CNTN4: variants seen among roughly 807,000 people sequenced by gnomAD.
The protein encoded by CNTN4 is contactin-4.
CNTN4 carries 77 observed loss-of-function variants against 122.5 expected under a neutral mutation model. That is an observed-to-expected ratio of 0.63 (90% CI 0.52 to 0.76). CNTN4 has a LOEUF of 0.76. Ranked by LOEUF, CNTN4 falls within the 30% of genes least tolerant of loss-of-function variation. The pLI is 0.00. For synonymous variants in CNTN4, 512 were observed against 447.0 expected (o/e 1.15, Z -1.83); for missense variants, 1,256 against 1,259.1 (o/e 1.00, Z 0.04).
chr3:3,033,617 G>A (rs1490214600), intron 16 of CNTN4, among the ~76,000 whole-genome samples: 2 of 152,110 alleles, frequency 1.3e-5, no homozygotes, highest in African/African-American at 2.4e-5. Context: ...CCTTATGCCC[G>A]TCTAATGGGC....
intron 2 of CNTN4, among the ~76,000 whole-genome samples, chr3:2,272,527 A>G (rs1377460532): frequency 6.6e-6 from 1 of 152,190 alleles, no homozygotes; most frequent in Non-Finnish European, 1.5e-5. Flanking sequence ...TTAAAGTTAT[A>G]CTATGATAAA....
intron 4 of CNTN4, among the ~76,000 whole-genome samples, chr3:2,595,341 TC>T (rs1467585650): frequency 6.6e-6 from 1 of 152,202 alleles, no homozygotes; most frequent in Non-Finnish European, 1.5e-5. Context: ...TTAATAGACT[TC>T]AGGAAAAATT....
intron 3 of CNTN4, among the ~76,000 whole-genome samples, chr3:2,376,939 C>T (rs1559499179): frequency 6.6e-6 from 1 of 151,904 alleles, no homozygotes; most frequent in South Asian, 2.1e-4. Context: ...GGGTGGATCA[C>T]GAAGTCAAAA....
chr3:2,665,335 G>T (rs1376396681), intron 4 of CNTN4, among the ~76,000 whole-genome samples: 1 of 152,152 alleles, frequency 6.6e-6, no homozygotes, highest in African/African-American at 2.4e-5. Context: ...ACTAGTTTAG[G>T]AAACAGTGCT....
At chr3:2,201,437 AAC>A (rs1222398523) in intron 2 of CNTN4, among the ~76,000 whole-genome samples, 1 of 152,232 alleles carries the variant, frequency 6.6e-6, no homozygotes, top group African/African-American at 2.4e-5. Context: ...TCACTTAATC[AAC>A]AGTTCAAATA....
chr3:2,466,970 C>CTTTCTTTCTTTTT (rs1392656721), intron 3 of CNTN4, among the ~76,000 whole-genome samples: 2 of 115,812 alleles, frequency 1.7e-5, no homozygotes, highest in African/African-American at 6.7e-5. Flanking sequence ...TTCTTTCTTT[C>CTTTCTTTCTTTTT]TTTTTTTTTT....
intron 4 of CNTN4, among the ~76,000 whole-genome samples, chr3:2,658,874 G>GAT (rs1403847539): frequency 6.6e-6 from 1 of 151,814 alleles, no homozygotes; most frequent in East Asian, 1.9e-4. Context: ...TCCAGAAAGG[G>GAT]ATAAGCTGCA....
intron 4 of CNTN4, among the ~76,000 whole-genome samples, chr3:2,651,481 T>C (rs1369848643): frequency 6.6e-6 from 1 of 152,166 alleles, no homozygotes; most frequent in African/African-American, 2.4e-5. Context: ...TTTCTAGGAA[T>C]GGCCTCCTCT....
At chr3:2,576,621 C>T (rs889074930) in intron 4 of CNTN4, among the ~76,000 whole-genome samples, 16 of 150,114 alleles carry the variant, frequency 1.1e-4, no homozygotes, top group Non-Finnish European at 5.9e-5. Context: ...GATCTTGGCT[C>T]ACTGCAACCT....
chr3:2,544,092 T>C (rs2078140809), intron 3 of CNTN4, among the ~76,000 whole-genome samples: 1 of 152,122 alleles, frequency 6.6e-6, no homozygotes, highest in Admixed American at 6.6e-5. Context: ...AAATTCACAC[T>C]TACAAATCAA....
At chr3:2,158,278 C>T (rs1408503338) in intron 2 of CNTN4, among the ~76,000 whole-genome samples, 1 of 152,168 alleles carries the variant, frequency 6.6e-6, no homozygotes, top group Non-Finnish European at 1.5e-5. Context: ...AGATATGTTT[C>T]TAAAAGTCTA....
intron 3 of CNTN4, among the ~76,000 whole-genome samples, chr3:2,412,963 G>A (rs1194334680): frequency 6.6e-6 from 1 of 152,198 alleles, no homozygotes; most frequent in Non-Finnish European, 1.5e-5. Context: ...TACCTTCAGA[G>A]TAGACAGTAA....
At chr3:2,530,114 A>G (rs1212668318) in intron 3 of CNTN4, among the ~76,000 whole-genome samples, 2 of 152,216 alleles carry the variant, frequency 1.3e-5, no homozygotes, top group East Asian at 3.9e-4. Context: ...CTTGTAATAA[A>G]TCCACTGATT....
intron 2 of CNTN4, among the ~76,000 whole-genome samples, chr3:2,168,528 C>T (rs1417677261): frequency 6.6e-6 from 1 of 151,840 alleles, no homozygotes; most frequent in Non-Finnish European, 1.5e-5. Flanking sequence ...GTAATCTAAA[C>T]ATTTAACTCG....
At chr3:3,049,732 G>C (rs374836734) in intron 23 of CNTN4, among the ~76,000 whole-genome samples, 2 of 152,316 alleles carry the variant, frequency 1.3e-5, no homozygotes, top group African/African-American at 4.8e-5. Flanking sequence ...TTGGGCCTTG[G>C]CACCTCTCTG....
intron 3 of CNTN4, among the ~76,000 whole-genome samples, chr3:2,342,155 C>A (rs2044233774): frequency 6.6e-6 from 1 of 152,124 alleles, no homozygotes; most frequent in Non-Finnish European, 1.5e-5. Flanking sequence ...TGAATTCCTG[C>A]ATGTAATATT....
intron 3 of CNTN4, among the ~76,000 whole-genome samples, chr3:2,536,977 A>C (rs1357418001): frequency 6.6e-6 from 1 of 152,134 alleles, no homozygotes; most frequent in Admixed American, 6.6e-5. Flanking sequence ...AAAATAATAT[A>C]AAAGCCACTC....
intron 3 of CNTN4, among the ~76,000 whole-genome samples, chr3:2,533,738 T>G (rs1397554920): frequency 1.3e-5 from 2 of 152,142 alleles, no homozygotes; most frequent in South Asian, 4.1e-4. Context: ...TTGAACTAGC[T>G]GTTCCTATTT....
chr3:2,764,111 T>C (rs967351056), intron 6 of CNTN4, among the ~76,000 whole-genome samples: 1 of 152,198 alleles, frequency 6.6e-6, no homozygotes, highest in Non-Finnish European at 1.5e-5. Flanking sequence ...CAGATATTTT[T>C]CTGAGTGCCT....
Sources: allele counts gnomAD v4.1 joint callset (sites outside exome capture counted in the v4.1 genomes callset), GRCh38; gene constraint gnomAD v4.1.1; transcripts MANE v1.5; gene names NCBI Gene and HGNC (gene_info 2026-07-23, HGNC 2026-07-21).